TRIP11: variants seen among roughly 807,000 people sequenced by gnomAD.
TRIP11 encodes the protein thyroid hormone receptor interactor 11.
TRIP11 carries 148 observed loss-of-function variants against 223.1 expected under a neutral mutation model. The observed-to-expected ratio is 0.66, with a 90% CI of 0.58 to 0.76. The LOEUF is 0.76. TRIP11 is among the 30% of genes least tolerant of loss of function. The pLI is 0.00. For synonymous variants in TRIP11, 762 were observed against 772.6 expected, an observed-to-expected ratio of 0.99 and a Z score of 0.23; for missense variants, 2,043 against 2,222.0, an observed-to-expected ratio of 0.92 and a Z score of 1.62.
intron 11 of TRIP11, among the ~76,000 whole-genome samples, chr14:92,002,156 C>T (rs912666521): frequency 2.6e-5 from 4 of 152,066 alleles, no homozygotes; most frequent in African/African-American, 9.7e-5. Flanking sequence ...CCCTACACAG[C>T]ACCCTATACA....
rs1445937164 is a variant in TRIP11 at position 92,026,879 on chromosome 14, G to A, written c.202-1459C>T. 6 of 1,514,608 alleles carry A rather than the reference G, an allele frequency of 4.0e-6. No individual in the cohort carries two copies. In the Admixed American group the frequency reaches 9.4e-5, roughly 24 times the overall value. The allele number at this position is 1,514,608 out of a possible 1,614,324, so 93.8% of individuals were successfully genotyped here. A position where few individuals can be genotyped will look rare whatever the true frequency, so the allele number is the denominator to read the frequency against. The stretch of plus-strand genomic sequence containing the variant: ...TACCAAGAAGCAGAAGACCGACGAG[G>A]ATGACTAGACAGCAAAAAAGGAAAA... On this transcript the variant is annotated intron_variant, in intron 2 of 20. Coordinates refer to ENST00000267622, the MANE Select transcript of TRIP11 (RefSeq NM_004239.4).
At chr14:92,007,996 T>C in intron 9 of TRIP11, 144 bp from the exon 10 acceptor site, 1 of 673,968 alleles carries the variant, frequency 1.5e-6, no homozygotes, top group East Asian at 2.7e-5. Flanking sequence ...AATAATTGTA[T>C]GTGAAATTCA....
intron 5 of TRIP11, among the ~76,000 whole-genome samples, chr14:92,016,402 G>A (rs2140132057): frequency 6.6e-6 from 1 of 152,222 alleles, no homozygotes; most frequent in African/African-American, 2.4e-5. Context: ...ACCAGGACAG[G>A]TGCCCTCTCA....
chr14:91,986,474 T>C (rs546886104), intron 16 of TRIP11, among the ~76,000 whole-genome samples: 1 of 152,354 alleles, frequency 6.6e-6, no homozygotes, highest in Admixed American at 6.5e-5. Flanking sequence ...TTTTAGACTT[T>C]GGAGCATTTC....
At chr14:91,981,633 T>C (rs2056546602) in intron 16 of TRIP11, among the ~76,000 whole-genome samples, 1 of 152,196 alleles carries the variant, frequency 6.6e-6, no homozygotes, top group South Asian at 2.1e-4. Flanking sequence ...CCTCAAGTGA[T>C]CCATCTGCCT....
Position 92,004,148 on chromosome 14 carries a change from C to A in TRIP11, c.3828G>T (p.Gln1276His), listed in dbSNP as rs1214515387. 1.9e-6 allele frequency: 3 copies of A among 1,614,058 alleles called. No individual in the cohort carries two copies. The highest frequency in any genetic ancestry group is 4.5e-5 in the East Asian group (2 of 44,896). Residue 1276 changes from glutamine to histidine, a missense_variant, in exon 11 of 21, where the codon CAG becomes CAT. Coordinates refer to ENST00000267622, the MANE Select transcript of TRIP11 (RefSeq NM_004239.4). ...DYTGLIQSYE[Q>H]NETKLKNFGQ... ...CAAAATTTTTGAGTTTGGTTTCATT[C>A]TGCTCATAACTTTGGATCAGGCCAG...
In TRIP11 at chr14:92,015,760, T is replaced by C. The variant is rs750255082; in HGVS notation, c.759A>G (p.Arg253=). The C allele has an allele frequency of 2.5e-6, 4 of 1,613,628 alleles. No homozygotes were observed. Among genetic ancestry groups the C allele is most frequent in the South Asian group, 1.1e-5 (1 of 90,976 alleles). The stretch of plus-strand genomic sequence containing the variant: ...CATAGTCACTTAATTCTTCTCGATG[T>C]CGTCGACTTATTTCTGTCAATTTCT... The part of the protein sequence containing the change: ...HQQKLTEISR[R]HREELSDYEE... Residue 253 remains arginine, a synonymous_variant, in exon 6 of 21, where the codon CGA becomes CGG. Transcript: ENST00000267622.
intron 5 of TRIP11, among the ~76,000 whole-genome samples, chr14:92,016,701 C>A (rs2057039526): frequency 6.6e-6 from 1 of 152,126 alleles, no homozygotes; most frequent in South Asian, 2.1e-4. Flanking sequence ...AAGAGCTTTA[C>A]ATTTAAACCT....
chr14:91,972,979 A>G (rs2056417810), intron 19 of TRIP11, 118 bp from the exon 20 acceptor site: 9 of 868,154 alleles, frequency 1.0e-5, no homozygotes, highest in Non-Finnish European at 1.5e-5. Flanking sequence ...CACTTGAATA[A>G]TTTTTTTTTA....
intron 15 of TRIP11, 100 bp from the exon 16 acceptor site, chr14:91,988,483 T>C: frequency 2.0e-6 from 2 of 1,021,004 alleles, no homozygotes; most frequent in Non-Finnish European, 3.0e-6. Flanking sequence ...TTTCAGCTGG[T>C]GAAGCTGCAC....
At chr14:92,033,583 T>C (rs2057292394) in intron 1 of TRIP11, among the ~76,000 whole-genome samples, 1 of 152,236 alleles carries the variant, frequency 6.6e-6, no homozygotes, top group Non-Finnish European at 1.5e-5. Context: ...GCTATAATTT[T>C]AGATGAAGCT....
intron 7 of TRIP11, among the ~76,000 whole-genome samples, chr14:92,012,951 T>A (rs1407743948): frequency 6.6e-6 from 1 of 151,958 alleles, no homozygotes; most frequent in African/African-American, 2.4e-5. Context: ...ATTGAAGGAA[T>A]CATGGAGAAC....
At position 92,006,278 on chromosome 14, in the gene TRIP11, T is replaced by C. The variant is rs1382877615; in HGVS notation, c.1698A>G (p.Gln566=). ...GTAAATCATTTAGGGCCACTTCACT[T>C]TGAATTAGCTTTTCTTTCTGTACAT... is the stretch of plus-strand genomic sequence containing the variant. The part of the protein sequence containing the change: ...ELDVQKEKLI[Q]SEVALNDLHL... Residue 566 remains glutamine, a synonymous_variant, in exon 11 of 21, where the codon CAA becomes CAG. Transcript: ENST00000267622. 1.2e-5 allele frequency: 19 copies of C among 1,610,756 alleles called. No homozygotes were observed. The highest frequency in any genetic ancestry group is 1.6e-5 in the Non-Finnish European group (19 of 1,178,794).
At chr14:91,998,223 C>A (rs1463662112) in intron 13 of TRIP11, among the ~76,000 whole-genome samples, 3 of 152,120 alleles carry the variant, frequency 2.0e-5, no homozygotes, top group African/African-American at 4.8e-5. Context: ...TACAAATGGA[C>A]ACAATTTTTT....
intron 17 of TRIP11, among the ~76,000 whole-genome samples, chr14:91,975,756 T>G (rs2056456302): frequency 6.6e-6 from 1 of 152,138 alleles, no homozygotes; most frequent in South Asian, 2.1e-4. Context: ...AGGTTTCAGA[T>G]CTAATACATT....
rs1157724726 is a variant in TRIP11 at position 92,006,143 on chromosome 14, C to T, written c.1833G>A (p.Glu611=). The T allele has an allele frequency of 6.2e-6, 10 of 1,612,446 alleles. No individual in the cohort carries two copies. The South Asian group carries it at 8.8e-5, about 14-fold the overall frequency. Reference sequence around the variant, plus strand: ...GCTCCTCCTCATTTTGTCTAATATGCTCCTTAAGTTCTAAATTCTCCTTCT... The same window carrying T: ...GCTCCTCCTCATTTTGTCTAATATGTTCCTTAAGTTCTAAATTCTCCTTCT... ...SIQKENLELK[E]HIRQNEEELS... The change falls in exon 11 of 21, where the codon GAG becomes GAA. Residue 611 remains glutamate (E), a synonymous_variant. Transcript: ENST00000267622.
Position 91,969,644 on chromosome 14 carries a change from T to G in TRIP11, c.*29A>C. On this transcript the variant is annotated 3_prime_UTR_variant, in exon 21 of 21. Coordinates refer to ENST00000267622, the MANE Select transcript of TRIP11 (RefSeq NM_004239.4). ...TATAGTGTTCATGGTTTCTTTAAAG[T>G]GCTAGATTGTCTCTGGCTTGAGAAT... 1 of 1,606,184 alleles carries G rather than the reference T, an allele frequency of 6.2e-7. No homozygotes were observed. The highest frequency in any genetic ancestry group is 2.2e-5 in the East Asian group (1 of 44,854).
chr14:92,031,118 T>TTTAC (rs545176484), intron 2 of TRIP11, among the ~76,000 whole-genome samples: 8 of 152,086 alleles, frequency 5.3e-5, no homozygotes, highest in South Asian at 2.1e-4. Flanking sequence ...TATTTTTTTA[T>TTTAC]TTACTTACTT....
Position 92,011,770 on chromosome 14 carries a change from C to T in TRIP11, c.1212G>A (p.Leu404=). 6.2e-7 allele frequency: 1 copy of T among 1,611,950 alleles called. No individual in the cohort carries two copies. Among genetic ancestry groups the T allele is most frequent in the Non-Finnish European group, 8.5e-7 (1 of 1,179,352 alleles). The change falls in exon 8 of 21, where the codon TTG becomes TTA. Residue 404 remains leucine (L), a synonymous_variant. Transcript: ENST00000267622. ...LSDAENEIMR[L]SSLNQDNSLA... ...ATTAATTTACCTGGTTTAAACTACT[C>T]AATCTCATTATTTCATTTTCGGCAT...
Sources: allele counts gnomAD v4.1 joint callset (sites outside exome capture counted in the v4.1 genomes callset), GRCh38; gene constraint gnomAD v4.1.1; transcripts MANE v1.5; gene names NCBI Gene and HGNC (gene_info 2026-07-23, HGNC 2026-07-21).